FIRRM: variants seen among roughly 807,000 people sequenced by gnomAD.
The protein encoded by FIRRM is FIGNL1-interacting regulator of recombination and mitosis.
the FIRRM span, chr1:169,802,519 T>C: frequency 8.2e-6 from 6 of 727,394 alleles, no homozygotes; most frequent in East Asian, 1.6e-4. Context: ...ATGTTACTAG[T>C]GCAAAATCAA....
the FIRRM span, among the ~76,000 whole-genome samples, chr1:169,799,784 C>T: frequency 6.6e-6 from 1 of 152,148 alleles, no homozygotes; most frequent in Admixed American, 6.5e-5. Context: ...AACTCCTGAG[C>T]TCAAGTGATC....
At chr1:169,793,616 A>T in the FIRRM span, 27 of 1,614,086 alleles carry the variant, frequency 1.7e-5, no homozygotes, top group Non-Finnish European at 2.2e-5. Context: ...TGAGGAATCC[A>T]GGGTCAAAGC....
At chr1:169,822,182 A>C in the FIRRM span, among the ~76,000 whole-genome samples, 1 of 152,196 alleles carries the variant, frequency 6.6e-6, no homozygotes, top group Non-Finnish European at 1.5e-5. Context: ...TTGCCACTGG[A>C]ATACAAACCC....
chr1:169,794,393 A>C, the FIRRM span, among the ~76,000 whole-genome samples: 2 of 152,198 alleles, frequency 1.3e-5, no homozygotes, highest in East Asian at 3.8e-4. Flanking sequence ...CCAAACATTT[A>C]GTCGAGAACA....
chr1:169,810,031 C>A, the FIRRM span, among the ~76,000 whole-genome samples: 3 of 152,046 alleles, frequency 2.0e-5, no homozygotes, highest in African/African-American at 7.2e-5. Context: ...GAGGGTGTGC[C>A]GTCTGCTTCA....
chr1:169,809,276 T>C, the FIRRM span, among the ~76,000 whole-genome samples: 2 of 152,232 alleles, frequency 1.3e-5, no homozygotes, highest in South Asian at 4.1e-4. Flanking sequence ...CTTTCCTTTT[T>C]TGTCCTCACT....
chr1:169,851,619 A>G, the FIRRM span: 1 of 657,430 alleles, frequency 1.5e-6, no homozygotes. Context: ...CAACTCTATA[A>G]CTAACTATTT....
chr1:169,835,014 G>A, the FIRRM span, among the ~76,000 whole-genome samples: 2 of 152,188 alleles, frequency 1.3e-5, no homozygotes, highest in African/African-American at 4.8e-5. Context: ...TGAGTTACAT[G>A]TTACAGGATG....
chr1:169,843,558 TAAATA>T, the FIRRM span: 2 of 644,798 alleles, frequency 3.1e-6, no homozygotes, highest in East Asian at 5.5e-5. Context: ...AATGAGGTAA[TAAATA>T]TAAAATACTT....
the FIRRM span, chr1:169,854,039 T>C: frequency 1.8e-6 from 1 of 566,282 alleles, no homozygotes; most frequent in Middle Eastern, 4.5e-4. Flanking sequence ...TCCCTTTTTT[T>C]TCTTTTTCAA....
the FIRRM span, chr1:169,832,488 C>T: frequency 5.0e-6 from 8 of 1,612,854 alleles, no homozygotes; most frequent in Non-Finnish European, 5.9e-6. Flanking sequence ...TCTTTTTCTT[C>T]ATGGCACCAC....
At chr1:169,799,421 A>G in the FIRRM span, among the ~76,000 whole-genome samples, 2,843 of 152,280 alleles carry the variant, frequency 0.019, 93 homozygotes, top group African/African-American at 0.064. Flanking sequence ...GATGAGATTC[A>G]TTCTTCTAGT....
At chr1:169,853,056 T>TAAC in the FIRRM span, 1 of 1,484,898 alleles carries the variant, frequency 6.7e-7, no homozygotes, top group Admixed American at 1.9e-5. Flanking sequence ...GTACATTTTC[T>TAAC]AACAGATATA....
At chr1:169,798,617 T>C in the FIRRM span, among the ~76,000 whole-genome samples, 1 of 152,116 alleles carries the variant, frequency 6.6e-6, no homozygotes, top group East Asian at 1.9e-4. Context: ...ATCATAAACC[T>C]GTGGATTATT....
chr1:169,818,777 C>A, the FIRRM span, among the ~76,000 whole-genome samples: 1 of 152,180 alleles, frequency 6.6e-6, no homozygotes, highest in Non-Finnish European at 1.5e-5. Context: ...ACCTCCGCTT[C>A]CTGGGTTCAA....
chr1:169,795,061 C>A, the FIRRM span: 1 of 1,476,046 alleles, frequency 6.8e-7, no homozygotes, highest in Non-Finnish European at 9.1e-7. Flanking sequence ...CCGGTCTGGG[C>A]TTTGGCGGGT....
the FIRRM span, among the ~76,000 whole-genome samples, chr1:169,814,963 TG>T: frequency 1.3e-5 from 2 of 151,834 alleles, no homozygotes; most frequent in African/African-American, 4.8e-5. Context: ...AAAAAAGTTT[TG>T]TTTTTTTTTT....
chr1:169,805,929 A>G, the FIRRM span: 13 of 785,408 alleles, frequency 1.7e-5, no homozygotes, highest in East Asian at 3.1e-4. Flanking sequence ...TGTTCAGTAG[A>G]TAGTTTTAAT....
the FIRRM span, among the ~76,000 whole-genome samples, chr1:169,799,220 G>A: frequency 0.027 from 4,079 of 152,228 alleles, 205 homozygotes; most frequent in East Asian, 0.22. Context: ...AATATTAAAC[G>A]TTAGTTGTTA....
Sources: gnomAD v4.1 joint callset for allele counts (sites outside exome capture counted in the v4.1 genomes callset) on GRCh38, gnomAD v4.1.1 for gene constraint, MANE v1.5 for transcripts, NCBI Gene and HGNC (gene_info 2026-07-23, HGNC 2026-07-21) for gene names.